The following CPXM2 variants were observed in gnomAD, a reference collection of about 807,000 sequenced individuals.
The protein encoded by CPXM2 is carboxypeptidase X, M14 family member 2.
In CPXM2, 66 loss-of-function variants were observed where a neutral mutation model predicts 86.1. The observed-to-expected ratio is 0.77, with a 90% CI of 0.63 to 0.94. The LOEUF (loss-of-function observed/expected upper bound fraction) is 0.94, where lower values mean the gene tolerates loss of function less well. Ranked by LOEUF, CPXM2 falls within the 40% of genes least tolerant of loss-of-function variation. CPXM2 has a pLI of 0.00. For synonymous variants in CPXM2, 388 were observed against 400.2 expected, an observed-to-expected ratio of 0.97 and a Z score of 0.36; for missense variants, 948 against 1,026.3, an observed-to-expected ratio of 0.92 and a Z score of 1.04.
intron 6 of CPXM2, among the ~76,000 whole-genome samples, chr10:123,797,460 GTGGGCTTA>G (rs1285019136): frequency 1.3e-5 from 2 of 152,196 alleles, no homozygotes; most frequent in African/African-American, 2.4e-5. Flanking sequence ...GTGCTTCCCA[GTGGGCTTA>G]TGGGAAATGT....
At chr10:123,911,577 C>T (rs543169844) in intron 2 of CPXM2, among the ~76,000 whole-genome samples, 63 of 151,926 alleles carry the variant, frequency 4.1e-4, no homozygotes, top group Non-Finnish European at 8.8e-5. Context: ...GTGAAGAGGC[C>T]ATGAACGGAA....
rs1192063574 is a variant in CPXM2 at position 123,891,632 on chromosome 10, C to A, written c.28G>T (p.Ala10Ser). Residue 10 changes from alanine (A) to serine (S), a missense_variant, in exon 1 of 14, where the codon GCG becomes TCG. Physicochemically the swap from Ala to Ser is moderately conservative, Grantham distance 99. Transcript: ENST00000241305. This position sits in a 1 kb window ranked among gnomAD's most constrained non-coding sequence, Gnocchi z 5.6. MSRPGTATP[A>S]LALVLLAVTL... The stretch of plus-strand genomic sequence containing the variant: ...ACTGCCAGGAGCACCAGGGCCAGCG[C>A]TGGGGTAGCGGTCCCCGGGCGGGAC... 6.8e-7 allele frequency: 1 copy of A among 1,467,304 alleles called. No homozygotes were observed. Among genetic ancestry groups the A allele is most frequent in the Non-Finnish European group, 9.0e-7 (1 of 1,108,604 alleles). 90.9% of individuals were successfully genotyped at this position (1,467,304 alleles called of 1,614,324 possible).
At chr10:123,810,966 T>C (rs551741741) in intron 4 of CPXM2, among the ~76,000 whole-genome samples, 4 of 152,104 alleles carry the variant, frequency 2.6e-5, no homozygotes, top group Non-Finnish European at 4.4e-5. Context: ...TGTAAGAGAA[T>C]TGAGAGCCCA....
Position 123,746,795 on chromosome 10 carries a change from A to C in CPXM2, c.2240T>G (p.Leu747Arg), listed in dbSNP as rs745775195. ...PVSLPARRLKLRGQKRRQRG is the reference protein window; with the variant it reads ...PVSLPARRLKRRGQKRRQRG ...ACGCTGTCGTCTCTTCTGCCCCCGC[A>C]GCTTCAGCCGCCTGGCTGGCAGGCT... The change falls in exon 14 of 14, where the codon CTG (leucine) becomes CGG (arginine). Residue 747 changes from leucine to arginine, a missense_variant. Leu to Arg is a moderately radical substitution (Grantham distance 102). Transcript: ENST00000241305. The C allele has an allele frequency of 5.0e-6, 8 of 1,614,190 alleles. No individual in the cohort carries two copies. In the South Asian group the frequency reaches 8.8e-5, roughly 18 times the overall value.
rs114327148 is a variant in CPXM2, at chr10:123,881,297, T to C, written c.305-988A>G. 3.0e-3 allele frequency among the ~76,000 whole-genome samples: 385 copies of C among 129,720 alleles called. 5 individuals carry two copies. Among genetic ancestry groups the C allele is most frequent in the African/African-American group, 0.011 (362 of 31,856 alleles). The allele number at this position is 129,720 out of a possible 152,430, so 85.1% of individuals were successfully genotyped here. ...CAAGCTAATTAGCTCCTACTGATCCTGAACATCTCAGCTCTGGCATCGCCT... is the reference window on the plus strand; with the variant it reads ...CAAGCTAATTAGCTCCTACTGATCCCGAACATCTCAGCTCTGGCATCGCCT... On this transcript the variant is annotated intron_variant, in intron 1 of 13. Coordinates refer to ENST00000241305, the MANE Select transcript of CPXM2 (RefSeq NM_198148.3).
At chr10:123,848,949 A>G (rs1288806667) in intron 3 of CPXM2, among the ~76,000 whole-genome samples, 2 of 152,240 alleles carry the variant, frequency 1.3e-5, no homozygotes, top group African/African-American at 4.8e-5. Flanking sequence ...CAGTCAATAC[A>G]TGGAAGCCAC....
At chr10:123,788,630 C>T (rs1357216626) in intron 6 of CPXM2, among the ~76,000 whole-genome samples, 1 of 152,192 alleles carries the variant, frequency 6.6e-6, no homozygotes, top group Non-Finnish European at 1.5e-5. Flanking sequence ...GACGCCTCTT[C>T]CCCTAAGCTG....
At chr10:123,778,944 T>C (rs1227762645) in intron 7 of CPXM2, among the ~76,000 whole-genome samples, 1 of 152,204 alleles carries the variant, frequency 6.6e-6, no homozygotes, top group African/African-American at 2.4e-5. Flanking sequence ...CTGACAGGTG[T>C]CTGGAAGCTG....
intron 2 of CPXM2, among the ~76,000 whole-genome samples, chr10:123,926,038 A>G (rs1430696477): frequency 2.6e-5 from 4 of 152,186 alleles, no homozygotes; most frequent in Admixed American, 1.3e-4. Flanking sequence ...CCAGAGACAC[A>G]TGTCCCAAGC....
chr10:123,864,166 C>CA (rs1174099010), intron 2 of CPXM2, among the ~76,000 whole-genome samples: 3 of 152,152 alleles, frequency 2.0e-5, no homozygotes, highest in Non-Finnish European at 4.4e-5. Context: ...CACCTGGTCT[C>CA]AGCCTATCCT....
At chr10:123,894,361 T>C (rs1467967787), upstream of CPXM2, among the ~76,000 whole-genome samples, 1 of 152,228 alleles carries the variant, frequency 6.6e-6, no homozygotes, top group African/African-American at 2.4e-5. Flanking sequence ...CACTTATTAC[T>C]GCTCTCCCTA....
chr10:123,868,788 C>T (rs1564806028), intron 2 of CPXM2, among the ~76,000 whole-genome samples: 3 of 152,160 alleles, frequency 2.0e-5, no homozygotes, highest in East Asian at 3.9e-4. Context: ...GACACGTGAC[C>T]GGCAGGTGCA....
intron 2 of CPXM2, among the ~76,000 whole-genome samples, chr10:123,901,884 A>C (rs1037721808): frequency 1.3e-5 from 2 of 152,164 alleles, no homozygotes; most frequent in African/African-American, 4.8e-5. Flanking sequence ...GACCAATCAG[A>C]ACTCAGCTGT....
intron 2 of CPXM2, among the ~76,000 whole-genome samples, chr10:123,924,080 A>T (rs888221388): frequency 2.6e-5 from 4 of 152,022 alleles, no homozygotes; most frequent in Non-Finnish European, 5.9e-5. Flanking sequence ...AGGGAAAAAC[A>T]CTCTTTTTCT....
rs1413534686 is a variant in CPXM2, at chr10:123,754,635, G to A, written c.2017+28C>T. 5.9e-6 allele frequency: 7 copies of A among 1,194,692 alleles called. No individual in the cohort carries two copies. Among genetic ancestry groups the A allele is most frequent in the East Asian group, 2.3e-5 (1 of 42,784 alleles). The allele number at this position is 1,194,692 out of a possible 1,614,324, so 74.0% of individuals were successfully genotyped here. The stretch of plus-strand genomic sequence containing the variant: ...TAAAAAAATGGGTATTTCTTACCAA[G>A]AGACAGTCTGCACACATTTGCAGTT... On this transcript the variant is annotated intron_variant, in intron 13 of 13. Transcript: ENST00000241305. This position sits in a 1 kb window ranked among gnomAD's most constrained non-coding sequence, Gnocchi z 4.0.
At chr10:123,914,669 A>G (rs1008113485) in intron 2 of CPXM2, among the ~76,000 whole-genome samples, 3 of 152,226 alleles carry the variant, frequency 2.0e-5, no homozygotes, top group African/African-American at 7.2e-5. Flanking sequence ...CAACCCCAGC[A>G]TAGCATCCAT....
intron 4 of CPXM2, among the ~76,000 whole-genome samples, chr10:123,829,592 C>T (rs58216130): frequency 0.05 from 7,558 of 152,176 alleles, 601 homozygotes; most frequent in African/African-American, 0.17. Context: ...TATGCCAATT[C>T]TCCCTCAGTC....
chr10:123,934,953 T>C (rs1945701592), intron 2 of CPXM2, among the ~76,000 whole-genome samples: 2 of 152,214 alleles, frequency 1.3e-5, no homozygotes, highest in South Asian at 2.1e-4. Context: ...TAAAATTACA[T>C]GAAGCACCCA....
intron 10 of CPXM2, among the ~76,000 whole-genome samples, chr10:123,765,779 G>A (rs906206716): frequency 6.6e-6 from 1 of 152,234 alleles, no homozygotes; most frequent in Non-Finnish European, 1.5e-5. Flanking sequence ...CGTACTGTGA[G>A]TTACTAAAGG....
Sources: gnomAD v4.1 joint callset for allele counts (sites outside exome capture counted in the v4.1 genomes callset) on GRCh38, gnomAD v4.1.1 for gene constraint, Gnocchi (gnomAD v3.1) non-coding constraint, MANE v1.5 for transcripts, NCBI Gene and HGNC (gene_info 2026-07-23, HGNC 2026-07-21) for gene names.